Variants in CRACDL observed in about 807,000 individuals in gnomAD.
CRACDL encodes the protein CRACD like.
CRACDL carries 26 observed loss-of-function variants against 70.6 expected under a neutral mutation model. That is an observed-to-expected ratio of 0.37 (90% confidence interval 0.27 to 0.51). The LOEUF is 0.51. Ranked by LOEUF, CRACDL falls within the 20% of genes least tolerant of loss-of-function variation. The probability of loss-of-function intolerance (pLI) is 0.94; values close to 1 mark genes in which losing one functional copy is unlikely to be tolerated. For synonymous variants in CRACDL, 618 were observed against 615.2 expected, an observed-to-expected ratio of 1.00 and a Z score of -0.07; for missense variants, 1,283 against 1,376.9, an observed-to-expected ratio of 0.93 and a Z score of 1.08.
intron 7 of CRACDL, among the ~76,000 whole-genome samples, chr2:98,815,501 C>T (rs926945173): frequency 3.9e-5 from 6 of 152,220 alleles, no homozygotes; most frequent in African/African-American, 1.4e-4. Context: ...GTGACTGGGA[C>T]CACCTCAGGA....
At chr2:98,862,681 A>G (rs1439490356) in intron 1 of CRACDL, among the ~76,000 whole-genome samples, 3 of 152,226 alleles carry the variant, frequency 2.0e-5, no homozygotes, top group Non-Finnish European at 4.4e-5. Context: ...AGATATGAGC[A>G]GGCAGAAGAA....
At chr2:98,837,494 G>A (rs1705847367) in intron 3 of CRACDL, among the ~76,000 whole-genome samples, 2 of 152,008 alleles carry the variant, frequency 1.3e-5, no homozygotes, top group Admixed American at 1.3e-4. Context: ...CAACAAATCT[G>A]TTTCGTTTCC....
chr2:98,925,555 G>A (rs897713539), intron 1 of CRACDL, among the ~76,000 whole-genome samples: 3 of 152,144 alleles, frequency 2.0e-5, no homozygotes, highest in Admixed American at 1.3e-4. Flanking sequence ...CACACAGCAC[G>A]CACAGGCAGA....
At chr2:98,810,151 A>G (rs956266216) in intron 7 of CRACDL, among the ~76,000 whole-genome samples, 1 of 151,974 alleles carries the variant, frequency 6.6e-6, no homozygotes, top group African/African-American at 2.4e-5. Context: ...AGGAAGAAAA[A>G]CCCTGGAAGT....
rs868019213 is a variant in CRACDL at position 98,834,958 on chromosome 2, T to G, written c.240-1961A>C. Among the ~76,000 whole-genome samples the G allele has an allele frequency of 1.2e-4, 18 of 152,290 alleles. 1 individual carries two copies. In the South Asian group the frequency reaches 3.3e-3, roughly 28 times the overall value. On this transcript the variant is annotated intron_variant, in intron 3 of 9. Transcript: ENST00000397899. ...AAAAACCAAAAATATGAAATTGCAC[T>G]CTGTAGTTTTATTAGCAATAACACT...
At chr2:98,919,547 T>C (rs1228719318) in intron 1 of CRACDL, among the ~76,000 whole-genome samples, 1 of 152,262 alleles carries the variant, frequency 6.6e-6, no homozygotes, top group East Asian at 1.9e-4. Flanking sequence ...AAATTATTTT[T>C]AGCACTTCAA....
chr2:98,898,857 AT>A (rs1171826912), intron 1 of CRACDL, among the ~76,000 whole-genome samples: 4 of 152,182 alleles, frequency 2.6e-5, no homozygotes, highest in African/African-American at 2.4e-5. Context: ...AGAAGATAAT[AT>A]TTTTTTTCTT....
intron 1 of CRACDL, among the ~76,000 whole-genome samples, chr2:98,848,092 G>T (rs553654173): frequency 6.6e-6 from 1 of 152,268 alleles, no homozygotes; most frequent in South Asian, 2.1e-4. Flanking sequence ...TCATGATCAT[G>T]CTATCATTAT....
intron 1 of CRACDL, among the ~76,000 whole-genome samples, chr2:98,900,240 G>T (rs1422307864): frequency 8.1e-6 from 1 of 123,090 alleles, no homozygotes; most frequent in African/African-American, 3.2e-5. Context: ...GGGGACAGAG[G>T]CTCAGTAGGA....
chr2:98,834,337 A>G (rs1705677510), intron 3 of CRACDL, among the ~76,000 whole-genome samples: 1 of 152,256 alleles, frequency 6.6e-6, no homozygotes, highest in South Asian at 2.1e-4. Flanking sequence ...CTCAGTAGGC[A>G]TCTAACTGAA....
At chr2:98,847,014 A>T (rs1351223285) in intron 1 of CRACDL, among the ~76,000 whole-genome samples, 1 of 152,236 alleles carries the variant, frequency 6.6e-6, no homozygotes, top group African/African-American at 2.4e-5. Context: ...TTAATCACTG[A>T]CTGGGGCAAT....
At chr2:98,818,704 T>G (rs1704898569) in intron 7 of CRACDL, among the ~76,000 whole-genome samples, 1 of 152,212 alleles carries the variant, frequency 6.6e-6, no homozygotes, top group African/African-American at 2.4e-5. Context: ...ATAGTAGAAG[T>G]GATAATAATC....
At chr2:98,884,093 C>T (rs1476569833) in intron 1 of CRACDL, among the ~76,000 whole-genome samples, 1 of 152,154 alleles carries the variant, frequency 6.6e-6, no homozygotes, top group Non-Finnish European at 1.5e-5. Context: ...CCCCACCCAC[C>T]TGGAGATACG....
At chr2:98,850,678 T>C (rs1706445923) in intron 1 of CRACDL, among the ~76,000 whole-genome samples, 1 of 152,202 alleles carries the variant, frequency 6.6e-6, no homozygotes, top group Admixed American at 6.5e-5. Flanking sequence ...TCTTCAGGGC[T>C]TCTAATGAAC....
intron 1 of CRACDL, among the ~76,000 whole-genome samples, chr2:98,891,766 A>G (rs1707987286): frequency 6.6e-6 from 1 of 152,170 alleles, no homozygotes; most frequent in Non-Finnish European, 1.5e-5. Flanking sequence ...CCTTTTCCAC[A>G]TTGTGAAAGC....
intron 1 of CRACDL, among the ~76,000 whole-genome samples, chr2:98,882,693 A>G (rs532691882): frequency 5.7e-4 from 87 of 152,206 alleles, no homozygotes; most frequent in Admixed American, 1.6e-3. Flanking sequence ...AAGAGTCCCA[A>G]CTCATTCCCT....
intron 7 of CRACDL, among the ~76,000 whole-genome samples, chr2:98,802,793 C>A (rs1704132707): frequency 6.6e-6 from 1 of 152,184 alleles, no homozygotes; most frequent in Admixed American, 6.5e-5. Flanking sequence ...AGCACAGTCT[C>A]CTGAGAGGCA....
At chr2:98,882,740 T>G (rs1172212404) in intron 1 of CRACDL, among the ~76,000 whole-genome samples, 5 of 152,102 alleles carry the variant, frequency 3.3e-5, no homozygotes, top group African/African-American at 1.2e-4. Flanking sequence ...GTCAAACCAT[T>G]TGAACCCCCC....
intron 3 of CRACDL, among the ~76,000 whole-genome samples, chr2:98,835,867 C>T (rs1705755679): frequency 6.6e-6 from 1 of 152,214 alleles, no homozygotes; most frequent in Non-Finnish European, 1.5e-5. Flanking sequence ...GGTGTTAAAA[C>T]TGTCAGGTGA....
Sources: allele counts gnomAD v4.1 joint callset (sites outside exome capture counted in the v4.1 genomes callset), GRCh38; gene constraint gnomAD v4.1.1; transcripts MANE v1.5; gene names NCBI Gene and HGNC (gene_info 2026-07-23, HGNC 2026-07-21).